Variants in C1orf21 observed in about 807,000 individuals in gnomAD.
The protein encoded by C1orf21 is uncharacterized protein C1orf21.
C1orf21 carries 3 observed loss-of-function variants against 18.7 expected under a neutral mutation model. The ratio of observed to expected loss-of-function variants is 0.16; its 90% CI spans 0.07 to 0.42. The LOEUF is 0.42. Among genes scored for constraint, C1orf21 ranks in the 10% least tolerant of loss-of-function variants. C1orf21 has a pLI of 0.99. For missense variants in C1orf21, 104 were observed against 143.6 expected (o/e 0.72, Z 1.41); for synonymous variants, 41 against 46.4 (o/e 0.88, Z 0.47).
At chr1:184,584,873 A>G (rs113099234) in intron 3 of C1orf21, among the ~76,000 whole-genome samples, 104 of 152,348 alleles carry the variant, frequency 6.8e-4, no homozygotes, top group African/African-American at 2.5e-3. Flanking sequence ...GCAAATTTCT[A>G]GAGACTGAAA....
At chr1:184,487,503 A>G (rs992053119) in intron 2 of C1orf21, among the ~76,000 whole-genome samples, 1 of 152,230 alleles carries the variant, frequency 6.6e-6, no homozygotes, top group East Asian at 1.9e-4. Flanking sequence ...ACAATGGCAG[A>G]TGCTGACTCG....
rs1228186814 is a variant in C1orf21, at chr1:184,621,595, C to G, written c.*2039C>G. 2 of 152,480 alleles carry G rather than the reference C, an allele frequency of 1.3e-5. No individual in the cohort carries two copies. The highest frequency in any genetic ancestry group is 4.8e-5 in the African/African-American group (2 of 41,426). The allele number at this position is 152,480 out of a possible 1,614,324, so 9.4% of individuals were successfully genotyped here. ...TTATCAAGCAAGAATTAAGCACATG[C>G]TAAACGTCTTCCATTTGACTTCTCT... On this transcript the variant is annotated 3_prime_UTR_variant, in exon 6 of 6. Coordinates refer to ENST00000235307, the MANE Select transcript of C1orf21 (RefSeq NM_030806.4).
chr1:184,423,074 A>G (rs977639896), intron 1 of C1orf21, among the ~76,000 whole-genome samples: 2 of 152,158 alleles, frequency 1.3e-5, no homozygotes, highest in Admixed American at 1.3e-4. Flanking sequence ...CTTAATGGGG[A>G]CAATGAGTTG....
At chr1:184,572,248 A>G (rs1272412088) in intron 3 of C1orf21, among the ~76,000 whole-genome samples, 1 of 152,186 alleles carries the variant, frequency 6.6e-6, no homozygotes, top group Non-Finnish European at 1.5e-5. Flanking sequence ...TATACATAAG[A>G]CCTCATGTAA....
chr1:184,442,155 T>C (rs1239963289), intron 1 of C1orf21, among the ~76,000 whole-genome samples: 1 of 152,190 alleles, frequency 6.6e-6, no homozygotes, highest in Non-Finnish European at 1.5e-5. Flanking sequence ...CATATGGTAA[T>C]GGTTAAATTA....
chr1:184,597,218 T>C (rs1659528446), intron 4 of C1orf21, among the ~76,000 whole-genome samples: 2 of 152,228 alleles, frequency 1.3e-5, no homozygotes, highest in South Asian at 2.1e-4. Flanking sequence ...TTACGTGATA[T>C]ATGTGAAAGT....
intron 1 of C1orf21, among the ~76,000 whole-genome samples, chr1:184,392,649 C>A (rs1655989272): frequency 6.6e-6 from 1 of 152,076 alleles, no homozygotes; most frequent in African/African-American, 2.4e-5. Context: ...GCACTGAGCC[C>A]ACTCAGGCTC....
chr1:184,592,917 A>G (rs1457179477), intron 4 of C1orf21, among the ~76,000 whole-genome samples: 2 of 152,192 alleles, frequency 1.3e-5, no homozygotes, highest in South Asian at 2.1e-4. Flanking sequence ...TTACAATGTC[A>G]GTGTAATGAT....
chr1:184,586,686 C>T (rs1659359071), intron 3 of C1orf21, among the ~76,000 whole-genome samples: 1 of 152,068 alleles, frequency 6.6e-6, no homozygotes, highest in South Asian at 2.1e-4. Flanking sequence ...GCATAGTTTG[C>T]AAAATTTTTC....
intron 1 of C1orf21, among the ~76,000 whole-genome samples, chr1:184,447,604 T>G (rs1287619557): frequency 6.6e-6 from 1 of 152,222 alleles, no homozygotes; most frequent in African/African-American, 2.4e-5. Context: ...GGATTTCACT[T>G]TCTTCCTTAC....
chr1:184,532,194 G>C (rs1658473401), intron 3 of C1orf21, among the ~76,000 whole-genome samples: 1 of 152,076 alleles, frequency 6.6e-6, no homozygotes, highest in Non-Finnish European at 1.5e-5. Context: ...TGCAGATTCT[G>C]ATCACACTCA....
chr1:184,577,131 G>A (rs897977368), intron 3 of C1orf21, among the ~76,000 whole-genome samples: 54 of 151,014 alleles, frequency 3.6e-4, no homozygotes, highest in African/African-American at 1.2e-3. Flanking sequence ...GAGACTTTAC[G>A]GAAGTGATGA....
intron 3 of C1orf21, among the ~76,000 whole-genome samples, chr1:184,535,147 C>T (rs2101974873): frequency 6.6e-6 from 1 of 152,312 alleles, no homozygotes; most frequent in Middle Eastern, 3.4e-3. Context: ...AGACAGGGAA[C>T]TACGATCTGT....
intron 3 of C1orf21, among the ~76,000 whole-genome samples, chr1:184,571,296 CAAAAAAAAAAAAAA>C (rs66868646): frequency 2.3e-5 from 2 of 85,576 alleles, no homozygotes; most frequent in Non-Finnish European, 4.6e-5. Context: ...GACTCCGTCT[CAAAAAAAAAAAAAA>C]AAAAAAAAGA....
chr1:184,391,128 A>G (rs7540074), intron 1 of C1orf21, among the ~76,000 whole-genome samples: 17,426 of 152,162 alleles, frequency 0.11, 3,067 homozygotes, highest in African/African-American at 0.37. Flanking sequence ...TATAGTTGCA[A>G]CAAGAAACAA....
chr1:184,529,281 T>G (rs1434675405), intron 3 of C1orf21, among the ~76,000 whole-genome samples: 1 of 152,220 alleles, frequency 6.6e-6, no homozygotes, highest in Non-Finnish European at 1.5e-5. Flanking sequence ...CCAGATCCTG[T>G]GCTTCATGTT....
chr1:184,458,512 G>T (rs977449041), intron 1 of C1orf21, among the ~76,000 whole-genome samples: 3 of 152,124 alleles, frequency 2.0e-5, no homozygotes, highest in African/African-American at 7.2e-5. Flanking sequence ...GAAGCCATAA[G>T]AACTATATAT....
chr1:184,424,929 A>G lies in C1orf21; in HGVS notation c.-125+37561A>G, dbSNP rs904394501. On this transcript the variant is annotated intron_variant, in intron 1 of 5. Transcript: ENST00000235307. ...ATGTTGAGTTTCTGGTTATCAGAAC[A>G]CCTAGCCCTGTATACCTTGAATGGG... 3.3e-5 allele frequency among the ~76,000 whole-genome samples: 5 copies of G among 152,144 alleles called. 1 individual carries two copies. The highest frequency in any genetic ancestry group is 7.4e-5 in the Non-Finnish European group (5 of 68,016).
rs186792984 is a variant in C1orf21 at position 184,392,459 on chromosome 1, G to A, written c.-125+5091G>A. On this transcript the variant is annotated intron_variant, in intron 1 of 5. Coordinates refer to ENST00000235307, the MANE Select transcript of C1orf21 (RefSeq NM_030806.4). ...CCAAAAGATGGGAGGATGGGAGGGCGGCGAGGGTTGAGAAATTACGTATTG... is the reference window on the plus strand; with the variant it reads ...CCAAAAGATGGGAGGATGGGAGGGCAGCGAGGGTTGAGAAATTACGTATTG... 4.6e-5 allele frequency among the ~76,000 whole-genome samples: 7 copies of A among 152,292 alleles called. No homozygotes were observed. The East Asian group carries it at 9.6e-4, about 21-fold the overall frequency.
Sources: allele counts gnomAD v4.1 joint callset (sites outside exome capture counted in the v4.1 genomes callset), GRCh38; gene constraint gnomAD v4.1.1; transcripts MANE v1.5; gene names NCBI Gene and HGNC (gene_info 2026-07-23, HGNC 2026-07-21).